PCGF3: variants seen among roughly 807,000 people sequenced by gnomAD.
The protein encoded by PCGF3 is polycomb group ring finger 3, also known as polycomb group RING finger protein 3.
In PCGF3, 7 loss-of-function variants were observed where a neutral mutation model predicts 33.1. The ratio of observed to expected loss-of-function variants is 0.21; its 90% CI spans 0.12 to 0.40. PCGF3 has a LOEUF of 0.40. Among genes scored for constraint, PCGF3 ranks in the 10% least tolerant of loss-of-function variants. PCGF3 has a pLI of 1.00. For synonymous variants in PCGF3, 153 were observed against 121.3 expected (o/e 1.26, Z -1.72); for missense variants, 211 against 313.3 (o/e 0.67, Z 2.46).
At chr4:735,103 G>A (rs1192276838) in intron 5 of PCGF3, 76 bp downstream of exon 5, 54 of 1,476,850 alleles carry the variant, frequency 3.7e-5, no homozygotes, top group Non-Finnish European at 4.9e-5. Context: ...GCCTTCCCAG[G>A]CCATTAGCGC....
rs372489853 is a variant in PCGF3, at chr4:733,716, C to T, written c.36C>T (p.Asn12=). Residue 12 remains asparagine, a synonymous_variant, in exon 4 of 11, where the codon AAC becomes AAT. Coordinates refer to ENST00000362003, the Ensembl canonical transcript of PCGF3. ...GGAAGATCAAGCTGTGGGACATCAA[C>T]GCCCACATCACCTGCCGCCTGTGCA... 1.0e-4 allele frequency: 161 copies of T among 1,610,658 alleles called. 1 individual carries two copies. The highest frequency in any genetic ancestry group is 7.0e-4 in the South Asian group (64 of 91,052).
intron 7 of PCGF3, 89 bp downstream of exon 7, chr4:743,673 C>T: frequency 1.3e-6 from 1 of 749,432 alleles, no homozygotes; most frequent in African/African-American, 1.7e-5. Context: ...GCCGGCCCCT[C>T]CCACACGCAC....
intron 9 of PCGF3, chr4:761,893 C>T (rs1361674941): frequency 2.2e-5 from 22 of 985,286 alleles, no homozygotes; most frequent in Non-Finnish European, 2.7e-5. Context: ...GGGATGCAGG[C>T]GCCAGCAGGG....
rs768601750 is a variant in PCGF3, at chr4:766,036, C to T, written c.686C>T (p.Ala229Val). 45 of 1,613,896 alleles carry T rather than the reference C, an allele frequency of 2.8e-5. No individual in the cohort carries two copies. Among genetic ancestry groups the T allele is most frequent in the East Asian group, 8.9e-5 (4 of 44,892 alleles). The stretch of plus-strand genomic sequence containing the variant: ...GTGCGTTCTTGTGTCTTCCAGAAGG[C>T]GCCGCTCCTGCTGCACTACAGACCC... The change falls in exon 11 of 11, where the codon GCG becomes GTG. Residue 229 changes from alanine (A) to valine (V), a missense_variant. Physicochemically the swap from Ala to Val is moderately conservative, Grantham distance 64. Coordinates refer to ENST00000362003, the Ensembl canonical transcript of PCGF3.
intron 1 of PCGF3, among the ~76,000 whole-genome samples, chr4:725,688 G>T (rs962006513): frequency 6.9e-6 from 1 of 145,470 alleles, no homozygotes; most frequent in East Asian, 2.1e-4. Context: ...CGCTGTGGCT[G>T]TGTGGGCTGC....
chr4:727,555 T>C (rs565498834), intron 1 of PCGF3, among the ~76,000 whole-genome samples: 70 of 152,280 alleles, frequency 4.6e-4, no homozygotes, highest in African/African-American at 1.7e-3. Flanking sequence ...TTGTTTTTTT[T>C]AAATCATGAA....
chr4:715,361 G>T (rs1742770965), intron 1 of PCGF3, among the ~76,000 whole-genome samples: 1 of 141,366 alleles, frequency 7.1e-6, no homozygotes, highest in African/African-American at 2.6e-5. Flanking sequence ...GGACCTTGTA[G>T]ACACTGTGAG....
chr4:768,802 T>C (rs1374745289), exon 11 of PCGF3: 1 of 152,616 alleles, frequency 6.6e-6, no homozygotes, highest in African/African-American at 2.4e-5. Flanking sequence ...AAAATGAAAT[T>C]GTGAGATGTT....
chr4:748,784 T>C (rs4690301), intron 8 of PCGF3, among the ~76,000 whole-genome samples: 34,960 of 152,128 alleles, frequency 0.23, 4,641 homozygotes, highest in Admixed American at 0.34. Flanking sequence ...TTTCTGTCTC[T>C]GGTGTTGGTC....
At chr4:755,061 C>CA (rs1286412469) in intron 8 of PCGF3, among the ~76,000 whole-genome samples, 2 of 152,222 alleles carry the variant, frequency 1.3e-5, no homozygotes, top group Non-Finnish European at 2.9e-5. Context: ...TCTTTACAAT[C>CA]AGAGTTGCAT....
chr4:752,607 C>T (rs1744571554), intron 8 of PCGF3, among the ~76,000 whole-genome samples: 1 of 152,106 alleles, frequency 6.6e-6, no homozygotes, highest in African/African-American at 2.4e-5. Flanking sequence ...GCCTGCTGCC[C>T]TGAGCTGGGG....
intron 6 of PCGF3, among the ~76,000 whole-genome samples, chr4:742,835 C>T (rs912608955): frequency 2.0e-5 from 3 of 152,224 alleles, no homozygotes; most frequent in East Asian, 1.9e-4. Flanking sequence ...TGCCAGGCAA[C>T]GGGGTGCCAG....
Position 761,245 on chromosome 4 carries a change from C to T in PCGF3, c.463-34C>T, listed in dbSNP as rs572493992. ...CTCCAGAACCGTCCGGGGGAACCCT[C>T]CTGCTGCGCTCTCACCAGCGTCCTT... On this transcript the variant is annotated intron_variant, in intron 8 of 10. Coordinates refer to ENST00000362003, the Ensembl canonical transcript of PCGF3. The T allele has an allele frequency of 5.3e-5, 82 of 1,541,706 alleles. 1 individual carries two copies. The South Asian group carries it at 8.5e-4, about 16-fold the overall frequency.
At chr4:743,279 G>C in intron 6 of PCGF3, among the ~76,000 whole-genome samples, 195 bp from the exon 7 acceptor site, 1 of 152,222 alleles carries the variant, frequency 6.6e-6, no homozygotes, top group Non-Finnish European at 1.5e-5. Flanking sequence ...GGTTGGTGGG[G>C]CGGGTGCCCG....
intron 3 of PCGF3, among the ~76,000 whole-genome samples, chr4:731,496 C>G (rs1264916555): frequency 1.3e-5 from 2 of 151,232 alleles, no homozygotes; most frequent in Non-Finnish European, 3.0e-5. Context: ...TCTCTCCCCT[C>G]CCGGGTGCTC....
At position 739,803 on chromosome 4, in the gene PCGF3, G is replaced by A. The variant is rs75202893; in HGVS notation, c.262+2282G>A. 5.8e-4 allele frequency among the ~76,000 whole-genome samples: 89 copies of A among 152,324 alleles called. 1 individual carries two copies. The East Asian group carries it at 0.015, about 26-fold the overall frequency. ...GTCCACCTCAGCACGCTCTTGTCCG[G>A]TGTGGACGCTGCCAACTCCACTCTA... is the stretch of plus-strand genomic sequence containing the variant. On this transcript the variant is annotated intron_variant, in intron 6 of 10. Coordinates refer to ENST00000362003, the Ensembl canonical transcript of PCGF3.
At chr4:714,734 C>G (rs181355902) in intron 1 of PCGF3, among the ~76,000 whole-genome samples, 3 of 152,232 alleles carry the variant, frequency 2.0e-5, no homozygotes, top group African/African-American at 7.2e-5. Flanking sequence ...TAGGCCCTGA[C>G]GTCCTCTTCA....
chr4:755,874 C>T lies in PCGF3; in HGVS notation c.463-5405C>T, dbSNP rs1258768687. ...TGTGGTCTTCTGGGAGAGTACATAC[C>T]CCTCCTCATTTTTCTTCTTCAGAAT... On this transcript the variant is annotated intron_variant, in intron 8 of 10. Transcript: ENST00000362003. 2.0e-5 allele frequency among the ~76,000 whole-genome samples: 3 copies of T among 150,048 alleles called. 1 individual carries two copies. The East Asian group carries it at 5.8e-4, about 29-fold the overall frequency.
intron 6 of PCGF3, 40 bp downstream of exon 6, chr4:737,561 C>T: frequency 7.4e-7 from 1 of 1,346,074 alleles, no homozygotes; most frequent in Non-Finnish European, 1.1e-6. Context: ...GAGGTCCCAG[C>T]CTGGCCTCTG....
Sources: gnomAD v4.1 joint callset for allele counts (sites outside exome capture counted in the v4.1 genomes callset) on GRCh38, gnomAD v4.1.1 for gene constraint, MANE v1.5 for transcripts, NCBI Gene and HGNC (gene_info 2026-07-23, HGNC 2026-07-21) for gene names.